Variants in ANKRD55 observed in about 807,000 individuals in gnomAD.
The protein encoded by ANKRD55 is ankyrin repeat domain-containing protein 55.
In ANKRD55, 41 loss-of-function variants were observed where a neutral mutation model predicts 60.6. That is an observed-to-expected ratio of 0.68 (90% CI 0.53 to 0.88). The LOEUF is 0.88. Ranked by LOEUF, ANKRD55 falls within the 40% of genes least tolerant of loss-of-function variation. The pLI is 0.00. For missense variants in ANKRD55, 732 were observed against 767.6 expected (o/e 0.95, Z 0.55); for synonymous variants, 264 against 290.3 (o/e 0.91, Z 0.92).
At chr5:56,126,533 T>TA (rs1220067546) in intron 8 of ANKRD55, among the ~76,000 whole-genome samples, 1 of 152,070 alleles carries the variant, frequency 6.6e-6, no homozygotes, top group Admixed American at 6.5e-5. Context: ...ACAAAGTCTC[T>TA]ATTATGTTCT....
At chr5:56,178,809 G>T (rs1758793967) in intron 3 of ANKRD55, among the ~76,000 whole-genome samples, 1 of 118,704 alleles carries the variant, frequency 8.4e-6, no homozygotes, top group Non-Finnish European at 1.6e-5. Flanking sequence ...TACATTCATT[G>T]CAAGTCTAAT....
At chr5:56,142,310 G>T (rs1757792292) in intron 7 of ANKRD55, among the ~76,000 whole-genome samples, 1 of 152,114 alleles carries the variant, frequency 6.6e-6, no homozygotes, top group Admixed American at 6.5e-5. Context: ...CTCTGGCCTG[G>T]GCTACAGAGT....
intron 2 of ANKRD55, among the ~76,000 whole-genome samples, chr5:56,189,143 C>T (rs539038315): frequency 5.7e-4 from 86 of 151,770 alleles, no homozygotes; most frequent in Non-Finnish European, 8.4e-4. Flanking sequence ...AAGATTATTC[C>T]AGGGGTCATG....
chr5:56,100,767 T>G (rs888214146), intron 11 of ANKRD55, among the ~76,000 whole-genome samples: 1 of 152,184 alleles, frequency 6.6e-6, no homozygotes, highest in African/African-American at 2.4e-5. Context: ...TCTTTCCTTC[T>G]CTCCTGAAAC....
chr5:56,146,780 A>G (rs1482080417), intron 6 of ANKRD55: 1 of 152,110 alleles, frequency 6.6e-6, no homozygotes, highest in Non-Finnish European at 1.5e-5. Flanking sequence ...ACATCCAATT[A>G]CTAACCAGGC....
intron 9 of ANKRD55, among the ~76,000 whole-genome samples, chr5:56,114,730 C>T (rs1580944646): frequency 6.6e-6 from 1 of 152,264 alleles, no homozygotes; most frequent in Admixed American, 6.5e-5. Flanking sequence ...TGGTGAGAAT[C>T]CACATTGCAA....
chr5:56,229,051 C>T, intron 2 of ANKRD55, among the ~76,000 whole-genome samples: 1 of 151,196 alleles, frequency 6.6e-6, no homozygotes, highest in East Asian at 2.0e-4. Flanking sequence ...GGGTGAGGCC[C>T]TGAGGCTACC....
intron 2 of ANKRD55, among the ~76,000 whole-genome samples, chr5:56,183,853 T>C (rs975473056): frequency 1.3e-5 from 2 of 152,194 alleles, no homozygotes; most frequent in Admixed American, 1.3e-4. Context: ...GAAAGGAACC[T>C]GAGGGATTGG....
At chr5:56,169,467 C>G (rs1177631731) in intron 5 of ANKRD55, among the ~76,000 whole-genome samples, 1 of 151,242 alleles carries the variant, frequency 6.6e-6, no homozygotes, top group Non-Finnish European at 1.5e-5. Flanking sequence ...AGGGAGTCAT[C>G]CCCTCACGAT....
rs186215590 is a variant in ANKRD55, at chr5:56,174,055, A to G, written c.312+2097T>C. ...TGCTTCCCGTGAGCCCCAGCAGAAC[A>G]ATGGAGGGTCCTGCCTTGGGGAGCC... On this transcript the variant is annotated intron_variant, in intron 4 of 11. Coordinates refer to ENST00000341048, the MANE Select transcript of ANKRD55 (RefSeq NM_024669.3). Among the ~76,000 whole-genome samples, 202 of 152,260 alleles carry G rather than the reference A, an allele frequency of 1.3e-3. 1 individual carries two copies. The highest frequency in any genetic ancestry group is 0.013 in the Admixed American group (199 of 15,296).
At chr5:56,121,135 G>A (rs908049563) in intron 8 of ANKRD55, among the ~76,000 whole-genome samples, 1 of 152,040 alleles carries the variant, frequency 6.6e-6, no homozygotes, top group Non-Finnish European at 1.5e-5. Context: ...GACAGAAGAC[G>A]AGGGGCCATC....
chr5:56,108,695 G>A (rs1315121224), intron 10 of ANKRD55, among the ~76,000 whole-genome samples: 2 of 152,142 alleles, frequency 1.3e-5, no homozygotes, highest in Non-Finnish European at 2.9e-5. Context: ...TAAACGCAAA[G>A]GAATTTTGCT....
intron 4 of ANKRD55, among the ~76,000 whole-genome samples, chr5:56,172,074 G>A (rs1268515198): frequency 3.3e-5 from 5 of 150,714 alleles, no homozygotes; most frequent in South Asian, 2.1e-4. Context: ...AGCCGAGATC[G>A]CGCCACTGCA....
chr5:56,201,938 T>C (rs983703676), intron 2 of ANKRD55, among the ~76,000 whole-genome samples: 3 of 152,208 alleles, frequency 2.0e-5, no homozygotes, highest in Admixed American at 6.5e-5. Context: ...ATGTGATACA[T>C]ATGCACCATG....
At chr5:56,208,520 G>C (rs1197923163) in intron 2 of ANKRD55, among the ~76,000 whole-genome samples, 1 of 152,170 alleles carries the variant, frequency 6.6e-6, no homozygotes, top group Non-Finnish European at 1.5e-5. Context: ...CACCTCCTGG[G>C]TTCAAGCAAT....
intron 7 of ANKRD55, among the ~76,000 whole-genome samples, chr5:56,130,649 T>G (rs1757384610): frequency 6.6e-6 from 1 of 152,194 alleles, no homozygotes; most frequent in South Asian, 2.1e-4. Context: ...CAAGCATCAG[T>G]TCCAGACATG....
chr5:56,121,521 C>T lies in ANKRD55; in HGVS notation c.798-4739G>A, dbSNP rs554756228. ...CCGAGTAGCTGGGACTACAGGCGCC[C>T]GCCACCACACCCAGCTAATTTTTGT... is the stretch of plus-strand genomic sequence containing the variant. On this transcript the variant is annotated intron_variant, in intron 8 of 11. Coordinates refer to ENST00000341048, the MANE Select transcript of ANKRD55 (RefSeq NM_024669.3). 5.6e-3 allele frequency among the ~76,000 whole-genome samples: 855 copies of T among 151,854 alleles called. 5 individuals are homozygous for T. Among genetic ancestry groups the T allele is most frequent in the Admixed American group, 0.011 (164 of 15,234 alleles).
intron 7 of ANKRD55, among the ~76,000 whole-genome samples, chr5:56,136,759 A>C (rs1306158177): frequency 1.3e-5 from 2 of 149,114 alleles, no homozygotes; most frequent in African/African-American, 5.1e-5. Context: ...CATCTCTAAA[A>C]AAAATACAAA....
intron 9 of ANKRD55, among the ~76,000 whole-genome samples, chr5:56,114,715 T>G (rs1756836255): frequency 6.6e-6 from 1 of 152,216 alleles, no homozygotes; most frequent in Admixed American, 6.5e-5. Flanking sequence ...AAAAATTCAT[T>G]GATATGGTGA....
Sources: allele counts gnomAD v4.1 joint callset (sites outside exome capture counted in the v4.1 genomes callset), GRCh38; gene constraint gnomAD v4.1.1; transcripts MANE v1.5; gene names NCBI Gene and HGNC (gene_info 2026-07-23, HGNC 2026-07-21).